The following RIPOR1 variants were observed in gnomAD, a reference collection of about 807,000 sequenced individuals.
RIPOR1 encodes rho family-interacting cell polarization regulator 1.
In RIPOR1, 58 loss-of-function variants were observed where a neutral mutation model predicts 116.5. The ratio of observed to expected loss-of-function variants is 0.50; its 90% CI spans 0.40 to 0.62. The LOEUF (loss-of-function observed/expected upper bound fraction) is 0.62. RIPOR1 is among the 20% of genes least tolerant of loss of function. The probability of loss-of-function intolerance (pLI) is 0.00; values close to 1 mark genes in which losing one functional copy is unlikely to be tolerated. For synonymous variants in RIPOR1, 605 were observed against 650.0 expected (o/e 0.93, Z 1.05); for missense variants, 1,372 against 1,586.2 (o/e 0.86, Z 2.29).
chr16:67,539,752 G>A lies in RIPOR1; in HGVS notation c.360+1G>A. 6.2e-7 allele frequency: 1 copy of A among 1,614,166 alleles called. No individual in the cohort carries two copies. The highest frequency in any genetic ancestry group is 8.5e-7 in the Non-Finnish European group (1 of 1,180,010). ...GGGCTTCCTGTATGATCTGGACAAGGTGAGTATGCATGGAATGGTACTGGA... is the reference window on the plus strand; with the variant it reads ...GGGCTTCCTGTATGATCTGGACAAGATGAGTATGCATGGAATGGTACTGGA... On this transcript the variant is annotated splice_donor_variant, in intron 5 of 21. Transcript: ENST00000042381. LOFTEE classifies it high-confidence loss of function.
In RIPOR1 at chr16:67,546,495, T is replaced by TC; in HGVS notation, c.*38dup. 1.3e-6 allele frequency: 2 copies of TC among 1,579,068 alleles called. No homozygotes were observed. The highest frequency in any genetic ancestry group is 1.7e-6 in the Non-Finnish European group (2 of 1,150,232). On this transcript the variant is annotated 3_prime_UTR_variant, in exon 22 of 22. Transcript: ENST00000042381. Reference sequence around the variant, plus strand: ...CACCCATGGGTTCCTGGTGCCCCTTTCCCCCCACTTTCAGGGCTCACCAGG... The same window carrying TC: ...CACCCATGGGTTCCTGGTGCCCCTTTCCCCCCCACTTTCAGGGCTCACCAGG...
chr16:67,544,893 C>T lies in RIPOR1; in HGVS notation c.2869+63C>T. 6.2e-7 allele frequency: 1 copy of T among 1,600,302 alleles called. No homozygotes were observed. Among genetic ancestry groups the T allele is most frequent in the Non-Finnish European group, 8.5e-7 (1 of 1,171,430 alleles). On this transcript the variant is annotated intron_variant, in intron 16 of 21. Transcript: ENST00000042381. The surrounding 1 kb of genome is among the most constrained non-coding windows in gnomAD (Gnocchi z 5.1). ...TGAAGCTCCTACCTCAGCCTACTGC[C>T]ATCTGCATGCTCTCTACTCACCTGC...
Position 67,541,560 on chromosome 16 carries a change from G to T in RIPOR1, c.932G>T (p.Ser311Ile), listed in dbSNP as rs986542940. 2.5e-6 allele frequency: 4 copies of T among 1,614,082 alleles called. No individual in the cohort carries two copies. Among genetic ancestry groups the T allele is most frequent in the Non-Finnish European group, 3.4e-6 (4 of 1,179,982 alleles). ...DINDLGTIKL[S>I]LEVTWSPFDK... ...AATGACCTTGGTACCATCAAGCTCA[G>T]CCTGGAAGTCACATGGAGGTTGGTG... Residue 311 changes from serine to isoleucine, a missense_variant, in exon 11 of 22, where the codon AGC becomes ATC. Ser to Ile is a moderately radical substitution (Grantham distance 142, BLOSUM62 -2). Transcript: ENST00000042381. This position sits in a 1 kb window ranked among gnomAD's most constrained non-coding sequence, Gnocchi z 4.6.
chr16:67,528,217 C>A (rs1392809557), upstream of RIPOR1: 2 of 152,370 alleles, frequency 1.3e-5, no homozygotes, highest in African/African-American at 4.8e-5. Context: ...AACACATGGC[C>A]CTGTACCCGG....
rs537344064 is a variant in RIPOR1, at chr16:67,534,844, T to C, written c.-23-3580T>C. ...AGGGTTTTCTTTTTTTCTTTTTTTT[T>C]TTTTTTTTTTTTTTTTGAGACAGAC... On this transcript the variant is annotated intron_variant, in intron 1 of 21. Coordinates refer to ENST00000042381, the MANE Select transcript of RIPOR1 (RefSeq NM_024519.4). 5.6e-3 allele frequency among the ~76,000 whole-genome samples: 744 copies of C among 133,956 alleles called. 2 individuals are homozygous for C. The highest frequency in any genetic ancestry group is 0.02 in the African/African-American group (663 of 33,194). 87.9% of individuals were successfully genotyped at this position (133,956 alleles called of 152,430 possible). A position where few individuals can be genotyped will look rare whatever the true frequency, so the allele number is the denominator to read the frequency against.
Position 67,540,946 on chromosome 16 carries a change from T to C in RIPOR1, c.801+242T>C, listed in dbSNP as rs566903490. On this transcript the variant is annotated intron_variant, in intron 10 of 21. Transcript: ENST00000042381. The surrounding 1 kb of genome is among the most constrained non-coding windows in gnomAD (Gnocchi z 4.7). ...CTTCTGACCCTGTGAATATTTGACCTCCTAAGCTCCCATGAGGCTGTGACC... is the reference window on the plus strand; with the variant it reads ...CTTCTGACCCTGTGAATATTTGACCCCCTAAGCTCCCATGAGGCTGTGACC... 1.3e-5 allele frequency among the ~76,000 whole-genome samples: 2 copies of C among 152,120 alleles called. No individual in the cohort carries two copies. The highest frequency in any genetic ancestry group is 2.9e-5 in the Non-Finnish European group (2 of 68,012).
chr16:67,523,535 A>AC (rs2050513357), intron 1 of RIPOR1, among the ~76,000 whole-genome samples: 1 of 150,726 alleles, frequency 6.6e-6, no homozygotes. Flanking sequence ...AAAAAAAAAA[A>AC]AAAAAAAAAA....
At chr16:67,539,477 A>G in intron 4 of RIPOR1, 1 of 583,794 alleles carries the variant, frequency 1.7e-6, no homozygotes, top group Non-Finnish European at 3.1e-6. Flanking sequence ...AGCTCTCCCC[A>G]GGCGGCTGCA....
chr16:67,532,901 G>A (rs2050697698), intron 1 of RIPOR1, among the ~76,000 whole-genome samples: 1 of 152,258 alleles, frequency 6.6e-6, no homozygotes, highest in South Asian at 2.1e-4. Context: ...TTGCAGGTTA[G>A]AGTGGAGACA....
chr16:67,525,234 C>T (rs976841192), upstream of RIPOR1, among the ~76,000 whole-genome samples: 2 of 152,224 alleles, frequency 1.3e-5, no homozygotes, highest in Admixed American at 6.5e-5. Context: ...CATACACACA[C>T]ACCCTCAGCA....
At position 67,540,595 on chromosome 16, in the gene RIPOR1, G is replaced by A. The variant is rs1306227380; in HGVS notation, c.692G>A (p.Gly231Glu). The part of the protein sequence containing the change: ...GDQYEICMKY[G>E]RQRWKLRGRI... ...TTCCCCCAGATCTGCATGAAATATG[G>A]GCGTCAGCGCTGGAAACTACGGGGC... Residue 231 changes from glycine (G) to glutamate (E), a missense_variant, in exon 10 of 22, where the codon GGG (glycine) becomes GAG (glutamate). Gly to Glu is a moderately conservative substitution (Grantham distance 98). Around this residue, in one of 3 missense-constraint regions of RIPOR1, gnomAD observed 202 missense variants for 295.9 expected, o/e 0.68. Transcript: ENST00000042381. The surrounding 1 kb of genome is among the most constrained non-coding windows in gnomAD (Gnocchi z 4.7). 6.2e-7 allele frequency: 1 copy of A among 1,613,858 alleles called. No individual in the cohort carries two copies. The highest frequency in any genetic ancestry group is 1.3e-5 in the African/African-American group (1 of 74,898).
chr16:67,519,459 GA>G (rs1266947953), intron 1 of RIPOR1, among the ~76,000 whole-genome samples: 9 of 152,282 alleles, frequency 5.9e-5, no homozygotes, highest in African/African-American at 2.2e-4. Flanking sequence ...CCCACGGGCA[GA>G]GGTCATCCAG....
In RIPOR1 at chr16:67,542,776, C is replaced by T. The variant is rs1159218687; in HGVS notation, c.1990C>T (p.Pro664Ser). ...ATSPTHPTTSPTHPTTSPILI... is the reference protein window; with the variant it reads ...ATSPTHPTTSSTHPTTSPILI... ...AAGTCCCACCCATCCTACCACAAGC[C>T]CCACCCATCCCACCACAAGCCCCAT... The change falls in exon 13 of 22, where the codon CCC becomes TCC. Residue 664 changes from proline (P) to serine (S), a missense_variant. Around this residue, in one of 3 missense-constraint regions of RIPOR1, gnomAD observed 1,005 missense variants for 1,144.7 expected, o/e 0.88. Coordinates refer to ENST00000042381, the MANE Select transcript of RIPOR1 (RefSeq NM_024519.4). The surrounding 1 kb of genome is among the most constrained non-coding windows in gnomAD (Gnocchi z 4.6). 17 of 1,613,778 alleles carry T rather than the reference C, an allele frequency of 1.1e-5. No homozygotes were observed. The highest frequency in any genetic ancestry group is 1.4e-5 in the Non-Finnish European group (17 of 1,179,970).
At chr16:67,523,291 C>T (rs1352449150) in intron 1 of RIPOR1, among the ~76,000 whole-genome samples, 1 of 151,900 alleles carries the variant, frequency 6.6e-6, no homozygotes, top group Non-Finnish European at 1.5e-5. Flanking sequence ...TTTGGGAGGC[C>T]GAGGCAGGTG....
Position 67,543,641 on chromosome 16 carries a change from C to A in RIPOR1, c.2600+172C>A. Reference sequence around the variant, plus strand: ...TTGCTGGCAGGTGCACCTGTGTCCACCCCTCCCATGTCCTTCATGCCCATG... The same window carrying A: ...TTGCTGGCAGGTGCACCTGTGTCCAACCCTCCCATGTCCTTCATGCCCATG... On this transcript the variant is annotated intron_variant, in intron 14 of 21. Transcript: ENST00000042381. This position sits in a 1 kb window ranked among gnomAD's most constrained non-coding sequence, Gnocchi z 4.7. 1 of 855,262 alleles carries A rather than the reference C, an allele frequency of 1.2e-6. No homozygotes were observed. Among genetic ancestry groups the A allele is most frequent in the Non-Finnish European group, 1.8e-6 (1 of 549,410 alleles). 53.0% of individuals were successfully genotyped at this position (855,262 alleles called of 1,614,324 possible).
chr16:67,539,017 G>A lies in RIPOR1; in HGVS notation c.285G>A (p.Glu95=), dbSNP rs148612121. The A allele has an allele frequency of 4.4e-4, 716 of 1,613,634 alleles. 1 individual carries two copies. The highest frequency in any genetic ancestry group is 5.8e-4 in the Non-Finnish European group (688 of 1,179,892). ...CCTACTTGGAAGTGCACCAGCAGGA[G>A]CAAGAGAAACTCCAGGGGCAGATAA... ...LTAYLEVHQQ[E]QEKLQGQIRE... The change falls in exon 4 of 22, where the codon GAG becomes GAA. Residue 95 remains glutamate, a synonymous_variant. Coordinates refer to ENST00000042381, the MANE Select transcript of RIPOR1 (RefSeq NM_024519.4).
Position 67,543,215 on chromosome 16 carries a change from A to G in RIPOR1, c.2429A>G (p.Glu810Gly). The change falls in exon 13 of 22, where the codon GAG becomes GGG. Residue 810 changes from glutamate to glycine, a missense_variant. Physicochemically the swap from Glu to Gly is moderately conservative, Grantham distance 98. Around this residue, in one of 3 missense-constraint regions of RIPOR1, gnomAD observed 1,005 missense variants for 1,144.7 expected, o/e 0.88. Transcript: ENST00000042381. The surrounding 1 kb of genome is among the most constrained non-coding windows in gnomAD (Gnocchi z 4.7). ...GATGACTACCGTGGCCAGTTTCCTGAGCTGCAGGGCCTGGAGCAGGAGGTG... is the reference window on the plus strand; with the variant it reads ...GATGACTACCGTGGCCAGTTTCCTGGGCTGCAGGGCCTGGAGCAGGAGGTG... ...ALDDYRGQFPELQGLEQEVTR... is the reference protein window; with the variant it reads ...ALDDYRGQFPGLQGLEQEVTR... 1 of 1,567,958 alleles carries G rather than the reference A, an allele frequency of 6.4e-7. No homozygotes were observed. Among genetic ancestry groups the G allele is most frequent in the Non-Finnish European group, 8.7e-7 (1 of 1,154,940 alleles).
At position 67,545,564 on chromosome 16, in the gene RIPOR1, C is replaced by T. The variant is rs758673520; in HGVS notation, c.3190+30C>T. 6.8e-6 allele frequency: 11 copies of T among 1,611,680 alleles called. No homozygotes were observed. In the East Asian group the frequency reaches 2.5e-4, roughly 36 times the overall value. The stretch of plus-strand genomic sequence containing the variant: ...GGCGGTGGCCCTGATCACATAGTGG[C>T]CTCTTGGGGTCTGAGGACATGAGGA... On this transcript the variant is annotated intron_variant, in intron 18 of 21. Coordinates refer to ENST00000042381, the MANE Select transcript of RIPOR1 (RefSeq NM_024519.4). This position sits in a 1 kb window ranked among gnomAD's most constrained non-coding sequence, Gnocchi z 4.8.
rs2142634133 is a variant in RIPOR1, at chr16:67,545,902, C to G, written c.3387+42C>G. On this transcript the variant is annotated intron_variant, in intron 19 of 21. Coordinates refer to ENST00000042381, the MANE Select transcript of RIPOR1 (RefSeq NM_024519.4). This position sits in a 1 kb window ranked among gnomAD's most constrained non-coding sequence, Gnocchi z 4.8. ...TCCCTTGAGGGCGAGGGCTGGGGTC[C>G]TGGACTCCCACTGTCTGGCTAAGTC... is the stretch of plus-strand genomic sequence containing the variant. 1 of 1,613,006 alleles carries G rather than the reference C, an allele frequency of 6.2e-7. No homozygotes were observed. The highest frequency in any genetic ancestry group is 2.2e-5 in the East Asian group (1 of 44,856).
Sources: allele counts gnomAD v4.1 joint callset (sites outside exome capture counted in the v4.1 genomes callset), GRCh38; gene constraint gnomAD v4.1.1; regional missense constraint gnomAD v4.1.1; non-coding constraint Gnocchi (gnomAD v3.1); transcripts MANE v1.5; gene names NCBI Gene and HGNC (gene_info 2026-07-23, HGNC 2026-07-21).